The following DLGAP2 variants were observed in gnomAD, a reference collection of about 807,000 sequenced individuals.
The protein encoded by DLGAP2 is disks large-associated protein 2.
In DLGAP2, 26 loss-of-function variants were observed where a neutral mutation model predicts 100.3. The observed-to-expected ratio is 0.26, with a 90% CI of 0.19 to 0.36. The LOEUF is 0.36. Among genes scored for constraint, DLGAP2 ranks in the 10% least tolerant of loss-of-function variants. The pLI is 1.00. For missense variants in DLGAP2, 1,858 were observed against 1,453.2 expected (o/e 1.28, Z -4.53); for synonymous variants, 886 against 630.1 (o/e 1.41, Z -6.08).
intron 2 of DLGAP2, among the ~76,000 whole-genome samples, chr8:1,176,491 C>G (rs937155605): frequency 2.6e-5 from 4 of 152,182 alleles, no homozygotes; most frequent in African/African-American, 9.7e-5. Flanking sequence ...AGCATTACAG[C>G]CAGAAGGAAC....
In DLGAP2 at chr8:1,177,049, A is replaced by G. The variant is rs558881538; in HGVS notation, c.74-81802A>G. 2.6e-5 allele frequency among the ~76,000 whole-genome samples: 4 copies of G among 152,334 alleles called. No individual in the cohort carries two copies. The South Asian group carries it at 8.3e-4, about 32-fold the overall frequency. On this transcript the variant is annotated intron_variant, in intron 2 of 14. Coordinates refer to ENST00000637795, the MANE Select transcript of DLGAP2 (RefSeq NM_001346810.2). ...ATCGTTGATGTCGCATTAACACTTC[A>G]AAAAATTATACTTTCTTTGGCATAT... is the stretch of plus-strand genomic sequence containing the variant.
chr8:1,456,269 T>C (rs1425897513), intron 3 of DLGAP2, among the ~76,000 whole-genome samples: 2 of 152,188 alleles, frequency 1.3e-5, no homozygotes, highest in Non-Finnish European at 2.9e-5. Flanking sequence ...ATTGGCAGCA[T>C]TGTGGGTTAC....
intron 12 of DLGAP2, among the ~76,000 whole-genome samples, chr8:1,683,694 C>T (rs1237657275): frequency 1.3e-5 from 2 of 149,158 alleles, no homozygotes; most frequent in Non-Finnish European, 3.0e-5. Flanking sequence ...CTCCTGCTCA[C>T]ACCTTTATAA....
At chr8:1,529,795 A>G (rs1208269923) in intron 4 of DLGAP2, among the ~76,000 whole-genome samples, 1 of 152,178 alleles carries the variant, frequency 6.6e-6, no homozygotes, top group Non-Finnish European at 1.5e-5. Context: ...AAATAAAGGG[A>G]CAGACTACAA....
rs34013656 is a variant in DLGAP2 at position 752,301 on chromosome 8, C to T, written c.18+14476C>T. Among the ~76,000 whole-genome samples the T allele has an allele frequency of 3.9e-3, 597 of 152,350 alleles. 1 individual carries two copies. The highest frequency in any genetic ancestry group is 6.5e-3 in the Non-Finnish European group (439 of 68,040). ...CAGGCTGCCGGCTACCACCAGTGGG[C>T]GCAGAAGGCAAGGTGCACGTTGCTC... On this transcript the variant is annotated intron_variant, in intron 1 of 14. Coordinates refer to ENST00000637795, the MANE Select transcript of DLGAP2 (RefSeq NM_001346810.2).
chr8:1,266,104 G>T (rs1799445205), intron 3 of DLGAP2, among the ~76,000 whole-genome samples: 1 of 152,222 alleles, frequency 6.6e-6, no homozygotes, highest in Non-Finnish European at 1.5e-5. Context: ...TGAAGGGAGT[G>T]GGTGTAACCC....
At chr8:1,153,781 C>T (rs117948500) in intron 2 of DLGAP2, among the ~76,000 whole-genome samples, 12 of 152,224 alleles carry the variant, frequency 7.9e-5, no homozygotes, top group Non-Finnish European at 1.3e-4. Context: ...TTAGGAAACA[C>T]AGCGTAATGT....
chr8:1,698,839 G>A (rs1020556794), intron 14 of DLGAP2, among the ~76,000 whole-genome samples: 8 of 151,962 alleles, frequency 5.3e-5, no homozygotes, highest in African/African-American at 1.2e-4. Flanking sequence ...CAGGGGACAG[G>A]TCCATGTAAG....
chr8:1,156,464 G>A (rs1292104399), intron 2 of DLGAP2, among the ~76,000 whole-genome samples: 2 of 152,160 alleles, frequency 1.3e-5, no homozygotes, highest in African/African-American at 2.4e-5. Context: ...ACACGCTCAC[G>A]TCTCCATCTC....
chr8:811,968 G>C (rs946603590), intron 1 of DLGAP2, among the ~76,000 whole-genome samples: 1 of 152,250 alleles, frequency 6.6e-6, no homozygotes, highest in Non-Finnish European at 1.5e-5. Context: ...AACACGACAT[G>C]ATTGGCACTG....
chr8:841,908 TAG>T (rs2092251004), intron 1 of DLGAP2, among the ~76,000 whole-genome samples: 1 of 152,204 alleles, frequency 6.6e-6, no homozygotes, highest in South Asian at 2.1e-4. Flanking sequence ...CAGGATATAA[TAG>T]AGTTACAGCA....
At chr8:908,140 G>T (rs1452991081) in intron 2 of DLGAP2, among the ~76,000 whole-genome samples, 174 bp downstream of exon 2, 1 of 152,188 alleles carries the variant, frequency 6.6e-6, no homozygotes, top group Non-Finnish European at 1.5e-5. Flanking sequence ...ATTTAGTTCT[G>T]TGGTGATTTA....
rs547165233 is a variant in DLGAP2, at chr8:1,294,724, C to G, written c.106+35841C>G. Among the ~76,000 whole-genome samples, 18 of 152,132 alleles carry G rather than the reference C, an allele frequency of 1.2e-4. No individual in the cohort carries two copies. The South Asian group carries it at 2.7e-3, about 23-fold the overall frequency. ...GTTAGATTATAAAAGCTTATTTTGGCTGGGTGTGGTGGTGCACACGTGTAA... is the reference window on the plus strand; with the variant it reads ...GTTAGATTATAAAAGCTTATTTTGGGTGGGTGTGGTGGTGCACACGTGTAA... On this transcript the variant is annotated intron_variant, in intron 3 of 14. Coordinates refer to ENST00000637795, the MANE Select transcript of DLGAP2 (RefSeq NM_001346810.2).
chr8:1,477,446 C>T (rs1316461718), intron 3 of DLGAP2, among the ~76,000 whole-genome samples: 2 of 152,172 alleles, frequency 1.3e-5, no homozygotes, highest in African/African-American at 2.4e-5. Flanking sequence ...CCCTGCTGGG[C>T]CGATTCAAGT....
At chr8:1,699,900 A>C (rs577696331) in intron 14 of DLGAP2, among the ~76,000 whole-genome samples, 38 of 152,358 alleles carry the variant, frequency 2.5e-4, no homozygotes, top group African/African-American at 8.4e-4. Flanking sequence ...GGGGACACCA[A>C]AAGAGGAAAC....
At chr8:1,615,076 T>C (rs1195335956) in intron 6 of DLGAP2, among the ~76,000 whole-genome samples, 1 of 152,150 alleles carries the variant, frequency 6.6e-6, no homozygotes, top group Admixed American at 6.5e-5. Context: ...AGGATGGAAT[T>C]TGGGGTTGCC....
chr8:1,696,749 C>A (rs1799408371), intron 13 of DLGAP2, among the ~76,000 whole-genome samples: 1 of 152,150 alleles, frequency 6.6e-6, no homozygotes, highest in South Asian at 2.1e-4. Context: ...AGAATGGGCT[C>A]CAAGCTGGTT....
At chr8:1,641,222 C>T (rs1033898074) in intron 8 of DLGAP2, among the ~76,000 whole-genome samples, 2 of 152,274 alleles carry the variant, frequency 1.3e-5, no homozygotes, top group East Asian at 3.9e-4. Context: ...TTGCAGAAGG[C>T]GAGCGTGATG....
chr8:748,841 C>T (rs555333601), intron 1 of DLGAP2, among the ~76,000 whole-genome samples: 16 of 152,270 alleles, frequency 1.1e-4, no homozygotes, highest in South Asian at 2.1e-4. Context: ...CTTTGTTGTG[C>T]GGCGCGGAGA....
Sources: gnomAD v4.1 joint callset for allele counts (sites outside exome capture counted in the v4.1 genomes callset) on GRCh38, gnomAD v4.1.1 for gene constraint, MANE v1.5 for transcripts, NCBI Gene and HGNC (gene_info 2026-07-23, HGNC 2026-07-21) for gene names.